LRMDA: variants seen among roughly 807,000 people sequenced by gnomAD.
LRMDA encodes leucine rich melanocyte differentiation associated.
In LRMDA, 18 loss-of-function variants were observed where a neutral mutation model predicts 29.8. That is an observed-to-expected ratio of 0.60 (90% confidence interval 0.42 to 0.90). LRMDA has a LOEUF of 0.90. LRMDA is among the 40% of genes least tolerant of loss of function. The pLI is 0.00. For missense variants in LRMDA, 273 were observed against 273.9 expected, an observed-to-expected ratio of 1.00 and a Z score of 0.02; for synonymous variants, 125 against 109.4, an observed-to-expected ratio of 1.14 and a Z score of -0.89.
chr10:76,049,814 C>T (rs1456326555), intron 4 of LRMDA, among the ~76,000 whole-genome samples: 1 of 152,144 alleles, frequency 6.6e-6, no homozygotes, highest in Non-Finnish European at 1.5e-5. Context: ...GGTTTGCCTT[C>T]CTTCTAGCTG....
At chr10:76,283,462 G>A (rs1055621509) in intron 5 of LRMDA, among the ~76,000 whole-genome samples, 2 of 152,184 alleles carry the variant, frequency 1.3e-5, no homozygotes, top group African/African-American at 4.8e-5. Flanking sequence ...CAAGTAAGGG[G>A]AAGAGGAAGT....
chr10:75,949,892 A>C (rs935030746), intron 2 of LRMDA, among the ~76,000 whole-genome samples: 3 of 152,158 alleles, frequency 2.0e-5, no homozygotes, highest in Non-Finnish European at 4.4e-5. Flanking sequence ...GAGGGCATGA[A>C]GTGTGGATAC....
At chr10:75,818,028 C>T (rs143134007) in intron 2 of LRMDA, among the ~76,000 whole-genome samples, 1 of 152,248 alleles carries the variant, frequency 6.6e-6, no homozygotes, top group Non-Finnish European at 1.5e-5. Context: ...CATGATGGTT[C>T]CATGAATTGC....
At chr10:75,648,364 C>T (rs1298693774) in intron 2 of LRMDA, among the ~76,000 whole-genome samples, 3 of 152,168 alleles carry the variant, frequency 2.0e-5, no homozygotes, top group Non-Finnish European at 4.4e-5. Context: ...TTGGGCTGCT[C>T]AGTGGAGCAG....
At chr10:75,597,369 C>CCA in intron 2 of LRMDA, among the ~76,000 whole-genome samples, 1 of 152,272 alleles carries the variant, frequency 6.6e-6, no homozygotes, top group Admixed American at 6.5e-5. Flanking sequence ...AAAACAATGG[C>CCA]CAGTGGCCTC....
In LRMDA at chr10:75,903,576, TAAC is replaced by T. The variant is rs142724026; in HGVS notation, c.132-132423_132-132421del. Among the ~76,000 whole-genome samples, 688 of 152,324 alleles carry T rather than the reference TAAC, an allele frequency of 4.5e-3. 5 individuals are homozygous for T. Among genetic ancestry groups the T allele is most frequent in the African/African-American group, 0.016 (646 of 41,570 alleles). ...TAGTTTATTTCATTATCATTATTAA[TAAC>T]AACAACAATAATAATGATGATGACT... On this transcript the variant is annotated intron_variant, in intron 2 of 6. Transcript: ENST00000611255.
At chr10:75,581,819 G>T (rs867422327) in intron 2 of LRMDA, among the ~76,000 whole-genome samples, 1 of 152,134 alleles carries the variant, frequency 6.6e-6, no homozygotes, top group Non-Finnish European at 1.5e-5. Flanking sequence ...AGCATTAGGA[G>T]AAATACCTAA....
intron 2 of LRMDA, among the ~76,000 whole-genome samples, chr10:75,692,219 A>AAAATATATATATAT (rs1353540469): frequency 1.1e-5 from 1 of 87,546 alleles, no homozygotes; most frequent in African/African-American, 5.5e-5. Context: ...AAAAAAAAAA[A>AAAATATATATATAT]ATATATATAT....
chr10:75,863,189 T>G (rs949391351), intron 2 of LRMDA, among the ~76,000 whole-genome samples: 1 of 152,198 alleles, frequency 6.6e-6, no homozygotes, highest in Non-Finnish European at 1.5e-5. Flanking sequence ...TTATGGCTGG[T>G]TGTGCATCGC....
chr10:76,343,833 T>TG (rs34316328), intron 6 of LRMDA, among the ~76,000 whole-genome samples: 3 of 144,246 alleles, frequency 2.1e-5, no homozygotes, highest in Admixed American at 2.1e-4. Flanking sequence ...TTTTTTTTTT[T>TG]GTGAGATGGA....
chr10:75,906,651 G>A (rs1016469626), intron 2 of LRMDA, among the ~76,000 whole-genome samples: 3 of 152,166 alleles, frequency 2.0e-5, no homozygotes, highest in African/African-American at 7.2e-5. Flanking sequence ...TTATGCTGAG[G>A]TTGCTCGAGG....
At chr10:76,219,326 G>A (rs946101168) in intron 5 of LRMDA, among the ~76,000 whole-genome samples, 2 of 152,098 alleles carry the variant, frequency 1.3e-5, no homozygotes, top group African/African-American at 4.8e-5. Flanking sequence ...TGGCAAATTG[G>A]ATAAAAATTC....
At chr10:75,917,204 T>C (rs1461632953) in intron 2 of LRMDA, among the ~76,000 whole-genome samples, 1 of 152,204 alleles carries the variant, frequency 6.6e-6, no homozygotes, top group Non-Finnish European at 1.5e-5. Context: ...TAGGTAAGAA[T>C]TGGGGTGAGA....
intron 2 of LRMDA, among the ~76,000 whole-genome samples, chr10:75,738,896 C>G (rs1490608144): frequency 6.6e-6 from 1 of 152,144 alleles, no homozygotes; most frequent in Non-Finnish European, 1.5e-5. Context: ...CAGAGTGAGT[C>G]AAACGCTCTC....
chr10:76,433,188 G>A (rs1301603300), intron 6 of LRMDA, among the ~76,000 whole-genome samples: 1 of 152,054 alleles, frequency 6.6e-6, no homozygotes, highest in Non-Finnish European at 1.5e-5. Context: ...CCTTCTCACA[G>A]GTATCTGTGT....
At chr10:76,105,293 C>A (rs1002916129) in intron 5 of LRMDA, among the ~76,000 whole-genome samples, 3 of 151,798 alleles carry the variant, frequency 2.0e-5, no homozygotes, top group Non-Finnish European at 1.5e-5. Flanking sequence ...CGTTTTTTTC[C>A]ATGGGTATAT....
At chr10:76,146,492 T>C (rs914040618) in intron 5 of LRMDA, among the ~76,000 whole-genome samples, 51 of 151,796 alleles carry the variant, frequency 3.4e-4, no homozygotes, top group Non-Finnish European at 6.0e-4. Context: ...AAGTCTGTTT[T>C]ATCAGAGACT....
At chr10:76,160,990 T>C (rs1438741886) in intron 5 of LRMDA, among the ~76,000 whole-genome samples, 1 of 151,812 alleles carries the variant, frequency 6.6e-6, no homozygotes, top group African/African-American at 2.4e-5. Context: ...CCGCAAGGGG[T>C]GGGAGGTTAC....
intron 5 of LRMDA, among the ~76,000 whole-genome samples, chr10:76,243,946 G>A (rs188382763): frequency 6.6e-6 from 1 of 152,214 alleles, no homozygotes; most frequent in African/African-American, 2.4e-5. Flanking sequence ...GCTATAAATC[G>A]AATGACAAGT....
Sources: gnomAD v4.1 joint callset for allele counts (sites outside exome capture counted in the v4.1 genomes callset) on GRCh38, gnomAD v4.1.1 for gene constraint, MANE v1.5 for transcripts, NCBI Gene and HGNC (gene_info 2026-07-23, HGNC 2026-07-21) for gene names.